SPICE1: variants seen among roughly 807,000 people sequenced by gnomAD.
SPICE1 encodes the protein spindle and centriole associated protein 1.
A neutral mutation model predicts 102.7 loss-of-function variants in SPICE1; 75 were observed. The observed-to-expected ratio is 0.73, with a 90% CI of 0.61 to 0.88. The LOEUF (loss-of-function observed/expected upper bound fraction) is 0.88. Among genes scored for constraint, SPICE1 ranks in the 40% least tolerant of loss-of-function variants. The probability of loss-of-function intolerance (pLI) is 0.00; values close to 1 mark genes in which losing one functional copy is unlikely to be tolerated. For synonymous variants in SPICE1, 308 were observed against 350.3 expected (o/e 0.88, Z 1.35); for missense variants, 979 against 1,020.1 (o/e 0.96, Z 0.55).
intron 7 of SPICE1, among the ~76,000 whole-genome samples, chr3:113,473,120 C>T (rs185765801): frequency 1.8e-4 from 27 of 152,144 alleles, no homozygotes; most frequent in Non-Finnish European, 2.9e-4. Flanking sequence ...AACCAAGGCT[C>T]GAGAACTACA....
intron 7 of SPICE1, among the ~76,000 whole-genome samples, chr3:113,474,127 G>T (rs1197690269): frequency 6.6e-6 from 1 of 151,126 alleles, no homozygotes; most frequent in Non-Finnish European, 1.5e-5. Flanking sequence ...AAAAGGCAGG[G>T]GTTGCAATCC....
intron 6 of SPICE1, among the ~76,000 whole-genome samples, chr3:113,489,933 T>C (rs1160142821): frequency 6.6e-6 from 1 of 151,904 alleles, no homozygotes; most frequent in African/African-American, 2.4e-5. Flanking sequence ...TCTCCTACTC[T>C]TCTGGCCATT....
At chr3:113,460,894 T>C (rs1935918323) in intron 11 of SPICE1, 130 bp from the exon 12 acceptor site, 1 of 657,404 alleles carries the variant, frequency 1.5e-6, no homozygotes. Flanking sequence ...TATGTATGTA[T>C]AATATCATCA....
intron 7 of SPICE1, among the ~76,000 whole-genome samples, chr3:113,475,047 A>G (rs1176492616): frequency 6.6e-6 from 1 of 152,184 alleles, no homozygotes; most frequent in East Asian, 1.9e-4. Context: ...CAAGATTAAT[A>G]AAAAAGAAAA....
At chr3:113,493,972 G>A in intron 5 of SPICE1, 77 bp downstream of exon 5, 1 of 962,284 alleles carries the variant, frequency 1.0e-6, no homozygotes, top group Non-Finnish European at 1.6e-6. Flanking sequence ...GCCTAAGAAA[G>A]GACTTTAAAT....
chr3:113,470,418 T>C (rs1387019675), intron 7 of SPICE1, among the ~76,000 whole-genome samples: 2 of 152,188 alleles, frequency 1.3e-5, no homozygotes, highest in Non-Finnish European at 2.9e-5. Context: ...ACAATAAAGA[T>C]GGGATTTTCC....
chr3:113,446,949 T>G (rs759605728), intron 16 of SPICE1, among the ~76,000 whole-genome samples: 1 of 152,158 alleles, frequency 6.6e-6, no homozygotes. Context: ...GAGGGACTCA[T>G]GGGGAGGTAA....
rs185832303 is a variant in SPICE1 at position 113,452,641 on chromosome 3, G to A, written c.2142+825C>T. On this transcript the variant is annotated intron_variant, in intron 14 of 17. Coordinates refer to ENST00000295872, the MANE Select transcript of SPICE1 (RefSeq NM_144718.4). ...GGCGGTTGCAGGGAGCCAAGATTGC[G>A]TCACTGCGCTCCAGCCTGAGCAACA... Among the ~76,000 whole-genome samples the A allele has an allele frequency of 6.2e-3, 942 of 151,564 alleles. 9 individuals carry two copies. The highest frequency in any genetic ancestry group is 0.024 in the Middle Eastern group (7 of 294).
intron 5 of SPICE1, among the ~76,000 whole-genome samples, chr3:113,493,565 ACTAG>A (rs1308000446): frequency 6.6e-6 from 1 of 152,244 alleles, no homozygotes; most frequent in Non-Finnish European, 1.5e-5. Context: ...ACATTAAGTA[ACTAG>A]CCCAGAGTAA....
chr3:113,450,360 G>T lies in SPICE1; in HGVS notation c.2299C>A (p.Gln767Lys). The T allele has an allele frequency of 6.2e-7, 1 of 1,614,060 alleles. No homozygotes were observed. Among genetic ancestry groups the T allele is most frequent in the Non-Finnish European group, 8.5e-7 (1 of 1,180,006 alleles). Residue 767 changes from glutamine (Q) to lysine (K), a missense_variant, in exon 15 of 18, where the codon CAG becomes AAG. Physicochemically the swap from Gln to Lys is moderately conservative, Grantham distance 53 (BLOSUM62 1). Transcript: ENST00000295872. ...LNLSPPMSPV[Q>K]LPLRAWTEGA... ...CCAGTCCATGCTCTGAGAGGTAACTGAACAGGTGACATTGGTGGAGAAAGA... is the reference window on the plus strand; with the variant it reads ...CCAGTCCATGCTCTGAGAGGTAACTTAACAGGTGACATTGGTGGAGAAAGA...
intron 7 of SPICE1, among the ~76,000 whole-genome samples, chr3:113,478,206 C>G (rs1216581830): frequency 6.6e-6 from 1 of 151,982 alleles, no homozygotes; most frequent in Non-Finnish European, 1.5e-5. Flanking sequence ...AAGTTAACAT[C>G]AAACATATCA....
chr3:113,475,134 C>G (rs1215127965), intron 7 of SPICE1, among the ~76,000 whole-genome samples: 1 of 152,014 alleles, frequency 6.6e-6, no homozygotes, highest in Non-Finnish European at 1.5e-5. Flanking sequence ...TACAAACTAC[C>G]CTCAGAGAAT....
At chr3:113,467,695 A>C (rs1468231671) in intron 10 of SPICE1, among the ~76,000 whole-genome samples, 1 of 152,242 alleles carries the variant, frequency 6.6e-6, no homozygotes, top group Non-Finnish European at 1.5e-5. Context: ...TACCAGACAT[A>C]CAGGGAACAT....
rs910046638 is a variant in SPICE1 at position 113,445,421 on chromosome 3, A to C, written c.2515-61T>G. The C allele has an allele frequency of 1.0e-5, 14 of 1,389,062 alleles. No homozygotes were observed. The African/African-American group carries it at 1.7e-4, about 17-fold the overall frequency. The allele number at this position is 1,389,062 out of a possible 1,614,324, so 86.0% of individuals were successfully genotyped here. On this transcript the variant is annotated intron_variant, in intron 17 of 17. Transcript: ENST00000295872. The stretch of plus-strand genomic sequence containing the variant: ...AATTAGAAACATGAGACTACTCAAG[A>C]TTTACAGATCATTTAGACCAAGTGC...
Position 113,499,579 on chromosome 3 carries a change from G to T in SPICE1, c.151C>A (p.Arg51Ser). The change falls in exon 4 of 18, where the codon CGC becomes AGC. Residue 51 changes from arginine (R) to serine (S), a missense_variant. Transcript: ENST00000295872. Reference sequence around the variant, plus strand: ...TTCGATTTGTGTATTTCATGACGGCGTACCTATACAGAAGAGAAAAGTACA... The same window carrying T: ...TTCGATTTGTGTATTTCATGACGGCTTACCTATACAGAAGAGAAAAGTACA... The part of the protein sequence containing the change: ...VHRATPEDLV[R>S]RHEIHKSKNR... The T allele has an allele frequency of 6.2e-7, 1 of 1,603,500 alleles. No homozygotes were observed. Among genetic ancestry groups the T allele is most frequent in the Non-Finnish European group, 8.5e-7 (1 of 1,176,298 alleles).
chr3:113,480,446 C>T (rs1051628321), intron 7 of SPICE1, among the ~76,000 whole-genome samples: 2 of 152,162 alleles, frequency 1.3e-5, no homozygotes, highest in East Asian at 1.9e-4. Context: ...AATTTTAACA[C>T]AAGAATACTA....
intron 10 of SPICE1, among the ~76,000 whole-genome samples, chr3:113,467,165 T>C (rs552889659): frequency 1.5e-4 from 23 of 152,384 alleles, no homozygotes; most frequent in Admixed American, 1.4e-3. Flanking sequence ...ATTTTTGTCA[T>C]ATTTGTATAA....
At chr3:113,459,488 C>T (rs574327748) in intron 12 of SPICE1, 531 of 980,686 alleles carry the variant, frequency 5.4e-4, no homozygotes, top group South Asian at 6.6e-4. Flanking sequence ...AATATATTTA[C>T]TCCCAGCCCT....
intron 12 of SPICE1, among the ~76,000 whole-genome samples, chr3:113,458,558 G>A (rs1307790429): frequency 3.3e-5 from 5 of 152,092 alleles, no homozygotes; most frequent in African/African-American, 9.7e-5. Context: ...ATTTCGGCTC[G>A]CTACAACCTC....
Sources: gnomAD v4.1 joint callset for allele counts (sites outside exome capture counted in the v4.1 genomes callset) on GRCh38, gnomAD v4.1.1 for gene constraint, MANE v1.5 for transcripts, NCBI Gene and HGNC (gene_info 2026-07-23, HGNC 2026-07-21) for gene names.